RGMA: variants seen among roughly 807,000 people sequenced by gnomAD.
RGMA encodes repulsive guidance molecule A.
In RGMA, 10 loss-of-function variants were observed where a neutral mutation model predicts 23.2. That is an observed-to-expected ratio of 0.43 (90% CI 0.27 to 0.73). RGMA has a LOEUF of 0.73. Among genes scored for constraint, RGMA ranks in the 30% least tolerant of loss-of-function variants. The probability of loss-of-function intolerance (pLI) is 0.20; values close to 1 mark genes in which losing one functional copy is unlikely to be tolerated. For synonymous variants in RGMA, 308 were observed against 279.3 expected, an observed-to-expected ratio of 1.10 and a Z score of -1.03; for missense variants, 547 against 630.5, an observed-to-expected ratio of 0.87 and a Z score of 1.42.
In RGMA at chr15:93,066,379, C is replaced by A. The variant is rs557441585; in HGVS notation, c.130+6537G>T. ...AGTGCCAGCAGCACCAGCTTGTTCG[C>A]GTGACTCCAGGTGGGGGAAACGGGG... On this transcript the variant is annotated intron_variant, in intron 2 of 3. Coordinates refer to ENST00000329082, the MANE Select transcript of RGMA (RefSeq NM_020211.3). 13 of 697,216 alleles carry A rather than the reference C, an allele frequency of 1.9e-5. 2 individuals are homozygous for A. The Admixed American group carries it at 2.4e-4, about 13-fold the overall frequency. 43.2% of individuals were successfully genotyped at this position (697,216 alleles called of 1,614,324 possible).
intron 1 of RGMA, among the ~76,000 whole-genome samples, chr15:93,081,775 A>G (rs1156908457): frequency 1.3e-5 from 2 of 152,248 alleles, no homozygotes; most frequent in Non-Finnish European, 2.9e-5. Context: ...CAAATTCAAA[A>G]CTGTTTAGAA....
At chr15:93,087,020 G>A (rs969819700) in intron 1 of RGMA, among the ~76,000 whole-genome samples, 7 of 152,192 alleles carry the variant, frequency 4.6e-5, no homozygotes, top group African/African-American at 7.2e-5. Flanking sequence ...ACAGCATGAC[G>A]GGGCAGACCA....
intron 1 of RGMA, among the ~76,000 whole-genome samples, chr15:93,076,191 C>A (rs1895470489): frequency 6.6e-6 from 1 of 152,222 alleles, no homozygotes; most frequent in African/African-American, 2.4e-5. Flanking sequence ...GAGACACTCT[C>A]ATGCATGACT....
chr15:93,071,904 G>T (rs1434933158), intron 2 of RGMA, among the ~76,000 whole-genome samples: 1 of 152,230 alleles, frequency 6.6e-6, no homozygotes, highest in Admixed American at 6.5e-5. Context: ...CAATGGAAAC[G>T]GCTGGGAGAT....
chr15:93,086,781 G>T (rs1895640262), intron 1 of RGMA, among the ~76,000 whole-genome samples: 1 of 152,084 alleles, frequency 6.6e-6, no homozygotes, highest in Non-Finnish European at 1.5e-5. Context: ...GAAGAGCAAG[G>T]GATTGTATTA....
Position 93,089,056 on chromosome 15 carries a change from C to A in RGMA, c.-124G>T, listed in dbSNP as rs929510825. ...CTCCGCTGGCGCTGGTCCCCGCCGC[C>A]CCGGCCGGCTCAGCAGCGGCCCGGG... On this transcript the variant is annotated 5_prime_UTR_variant, in exon 1 of 4. Transcript: ENST00000329082. 31 of 520,238 alleles carry A rather than the reference C, an allele frequency of 6.0e-5. No individual in the cohort carries two copies. In the African/African-American group the frequency reaches 6.0e-4, roughly 10 times the overall value. The allele number at this position is 520,238 out of a possible 1,614,324, so 32.2% of individuals were successfully genotyped here.
At position 93,066,673 on chromosome 15, in the gene RGMA, C is replaced by T. The variant is rs972228235; in HGVS notation, c.130+6243G>A. 3.0e-5 allele frequency: 12 copies of T among 398,974 alleles called. 1 individual carries two copies. Among genetic ancestry groups the T allele is most frequent in the African/African-American group, 2.2e-4 (10 of 45,660 alleles). 24.7% of individuals were successfully genotyped at this position (398,974 alleles called of 1,614,324 possible). ...CTCATCCTGCCGGGTCCAGTACCGG[C>T]CCCCGCCGCCGCCCGGTTTTTTATA... On this transcript the variant is annotated intron_variant, in intron 2 of 3. Coordinates refer to ENST00000329082, the MANE Select transcript of RGMA (RefSeq NM_020211.3).
chr15:93,046,874 A>G (rs1253361850), intron 3 of RGMA, among the ~76,000 whole-genome samples: 1 of 150,134 alleles, frequency 6.7e-6, no homozygotes, highest in African/African-American at 2.4e-5. Context: ...GGCTGGACTG[A>G]GCTGCTGGAG....
chr15:93,076,660 GCTGAGTA>G (rs1332569268), intron 1 of RGMA, among the ~76,000 whole-genome samples: 1 of 152,134 alleles, frequency 6.6e-6, no homozygotes, highest in Non-Finnish European at 1.5e-5. Context: ...TCAGATGCCA[GCTGAGTA>G]CTTTACATTT....
chr15:93,087,464 C>CAAAAA (rs60714695), intron 1 of RGMA, among the ~76,000 whole-genome samples: 6,757 of 73,950 alleles, frequency 0.091, 717 homozygotes, highest in East Asian at 0.43. Context: ...TTTGTATGTG[C>CAAAAA]AAAAAAAAAA....
At chr15:93,082,666 A>G (rs960047344) in intron 1 of RGMA, among the ~76,000 whole-genome samples, 1 of 152,258 alleles carries the variant, frequency 6.6e-6, no homozygotes, top group Non-Finnish European at 1.5e-5. Context: ...TTTTCCAGAC[A>G]TTAACAAAAA....
chr15:93,054,353 T>C (rs2054977981), intron 2 of RGMA, among the ~76,000 whole-genome samples: 2 of 152,174 alleles, frequency 1.3e-5, no homozygotes, highest in Admixed American at 1.3e-4. Flanking sequence ...GGTGCCCGCT[T>C]GATATGGTTC....
rs1437641469 is a variant in RGMA, at chr15:93,065,976, C to A, written c.130+6940G>T. 23 of 1,088,674 alleles carry A rather than the reference C, an allele frequency of 2.1e-5. No homozygotes were observed. The Admixed American group carries it at 4.5e-4, about 21-fold the overall frequency. 67.4% of individuals were successfully genotyped at this position (1,088,674 alleles called of 1,614,324 possible). ...AGGGTGGGGGGCGCCGTCGTCTGGG[C>A]CGCTGCGCGGAGTCTTTGGCCCGTT... On this transcript the variant is annotated intron_variant, in intron 2 of 3. Transcript: ENST00000329082.
Position 93,036,114 on chromosome 15 carries a change from GTC to G in RGMA, c.*8882_*8883del, listed in dbSNP as rs756278408. The G allele has an allele frequency of 6.6e-5, 10 of 152,356 alleles. No homozygotes were observed. Among genetic ancestry groups the G allele is most frequent in the Middle Eastern group, 3.4e-3 (1 of 294 alleles). The allele number at this position is 152,356 out of a possible 1,614,324, so 9.4% of individuals were successfully genotyped here. On this transcript the variant is annotated 3_prime_UTR_variant, in exon 4 of 4. Transcript: ENST00000329082. Reference sequence around the variant, plus strand: ...CACACATGTGACTCGGTTAGTGTCTGTCTCTCACCACTAGAGGTCAGTCCCGT... The same window carrying G: ...CACACATGTGACTCGGTTAGTGTCTGTCTCACCACTAGAGGTCAGTCCCGT...
At chr15:93,066,625 C>A in intron 2 of RGMA, 1 of 445,282 alleles carries the variant, frequency 2.2e-6, no homozygotes, top group Non-Finnish European at 4.4e-6. Context: ...ACTGCCGTCA[C>A]CACCGCCGCC....
chr15:93,065,981 G>T, intron 2 of RGMA: 2 of 1,142,264 alleles, frequency 1.8e-6, no homozygotes, highest in Non-Finnish European at 2.6e-6. Flanking sequence ...CTGGGCCGCT[G>T]CGCGGAGTCT....
At chr15:93,078,602 T>C (rs1895510497) in intron 1 of RGMA, among the ~76,000 whole-genome samples, 3 of 152,246 alleles carry the variant, frequency 2.0e-5, no homozygotes, top group African/African-American at 7.2e-5. Flanking sequence ...ACTTTGATCA[T>C]ATCGCCTTTC....
intron 3 of RGMA, among the ~76,000 whole-genome samples, chr15:93,048,516 G>A (rs565646681): frequency 4.4e-4 from 67 of 152,230 alleles, no homozygotes; most frequent in South Asian, 1.0e-3. Context: ...AGTTCCTTGA[G>A]GACCGGACTC....
At chr15:93,053,638 G>A (rs2054964915) in intron 2 of RGMA, among the ~76,000 whole-genome samples, 1 of 152,200 alleles carries the variant, frequency 6.6e-6, no homozygotes, top group Non-Finnish European at 1.5e-5. Context: ...ACGCGAGCAC[G>A]AGTGCCTACC....
Sources: gnomAD v4.1 joint callset for allele counts (sites outside exome capture counted in the v4.1 genomes callset) on GRCh38, gnomAD v4.1.1 for gene constraint, MANE v1.5 for transcripts, NCBI Gene and HGNC (gene_info 2026-07-23, HGNC 2026-07-21) for gene names.